PPP4R4: variants seen among roughly 807,000 people sequenced by gnomAD.
The protein encoded by PPP4R4 is protein phosphatase 4 regulatory subunit 4, also known as serine/threonine-protein phosphatase 4 regulatory subunit 4.
Under a neutral mutation model 121.8 loss-of-function variants are expected in PPP4R4, and 70 were observed. That is an observed-to-expected ratio of 0.57 (90% CI 0.47 to 0.70). The LOEUF is 0.70. PPP4R4 is among the 30% of genes least tolerant of loss of function. PPP4R4 has a pLI of 0.00. For synonymous variants in PPP4R4, 348 were observed against 355.7 expected, an observed-to-expected ratio of 0.98 and a Z score of 0.24; for missense variants, 875 against 1,033.6, an observed-to-expected ratio of 0.85 and a Z score of 2.10.
At position 94,237,595 on chromosome 14, in the gene PPP4R4, T is replaced by C; in HGVS notation, c.762T>C (p.Pro254=). The change falls in exon 8 of 25, where the codon CCT becomes CCC. Residue 254 remains proline (P), a synonymous_variant. Transcript: ENST00000304338. The part of the protein sequence containing the change: ...GTELTKSVVL[P]ELIELSRDEG... ...AACTTACAAAAAGTGTGGTGCTCCCTGAATTAATAGAACTTTCTAGGGATG... is the reference window on the plus strand; with the variant it reads ...AACTTACAAAAAGTGTGGTGCTCCCCGAATTAATAGAACTTTCTAGGGATG... 1.2e-6 allele frequency: 2 copies of C among 1,613,088 alleles called. No homozygotes were observed. Among genetic ancestry groups the C allele is most frequent in the South Asian group, 1.1e-5 (1 of 91,062 alleles).
intron 19 of PPP4R4, among the ~76,000 whole-genome samples, chr14:94,262,424 CT>C (rs1393493253): frequency 6.6e-6 from 1 of 151,738 alleles, no homozygotes; most frequent in Non-Finnish European, 1.5e-5. Context: ...TTCCTCTCTC[CT>C]TTTTTTGGAA....
intron 2 of PPP4R4, among the ~76,000 whole-genome samples, chr14:94,185,874 C>A (rs1889247521): frequency 1.3e-5 from 2 of 152,088 alleles, no homozygotes; most frequent in African/African-American, 4.8e-5. Flanking sequence ...CAAATGGGTA[C>A]ACCTGTGTAA....
At chr14:94,190,863 G>A (rs1014600922) in intron 2 of PPP4R4, among the ~76,000 whole-genome samples, 1 of 119,768 alleles carries the variant, frequency 8.3e-6, no homozygotes, top group Non-Finnish European at 1.7e-5. Context: ...GTAGAGCAGT[G>A]ATTTCCAACT....
intron 3 of PPP4R4, among the ~76,000 whole-genome samples, chr14:94,215,177 C>A (rs1890956311): frequency 6.6e-6 from 1 of 151,988 alleles, no homozygotes; most frequent in Non-Finnish European, 1.5e-5. Flanking sequence ...TAAAAAAATC[C>A]TCCTAACAGC....
chr14:94,277,186 A>C (rs1197781270), intron 24 of PPP4R4, among the ~76,000 whole-genome samples: 1 of 152,166 alleles, frequency 6.6e-6, no homozygotes, highest in African/African-American at 2.4e-5. Flanking sequence ...CTGTAATCCC[A>C]GCTACTCAAG....
intron 3 of PPP4R4, among the ~76,000 whole-genome samples, chr14:94,221,238 A>G (rs1891373423): frequency 6.6e-6 from 1 of 152,158 alleles, no homozygotes; most frequent in South Asian, 2.1e-4. Flanking sequence ...ATAGACCTAA[A>G]TGTTAAAGAC....
chr14:94,229,861 C>G (rs1891917656), intron 3 of PPP4R4, among the ~76,000 whole-genome samples: 3 of 152,164 alleles, frequency 2.0e-5, no homozygotes, highest in African/African-American at 4.8e-5. Flanking sequence ...CTCTATCTCT[C>G]TCTCTCATAG....
At chr14:94,189,074 G>GAGA (rs1184101050) in intron 2 of PPP4R4, among the ~76,000 whole-genome samples, 1 of 152,046 alleles carries the variant, frequency 6.6e-6, no homozygotes, top group Non-Finnish European at 1.5e-5. Context: ...TTTTCTCTTA[G>GAGA]AGAAGAAAAT....
At chr14:94,259,450 TCCATTTCA>T (rs1367766515) in intron 19 of PPP4R4, 81 bp downstream of exon 19, 1 of 1,387,586 alleles carries the variant, frequency 7.2e-7, no homozygotes, top group African/African-American at 1.5e-5. Flanking sequence ...ATCATTTCTT[TCCATTTCA>T]CCATTTCACA....
Position 94,241,827 on chromosome 14 carries a change from T to G in PPP4R4, c.1016T>G (p.Phe339Cys). ...GATCAGCACTTGAGATTTTTGGAAT[T>G]TTATAAGAAACTTTGTACATTGGGT... Reference protein sequence around the residue: ...TPDQHLRFLEFYKKLCTLGLQ... With the variant: ...TPDQHLRFLECYKKLCTLGLQ... The change falls in exon 10 of 25, where the codon TTT becomes TGT. Residue 339 changes from phenylalanine to cysteine, a missense_variant. Physicochemically the swap from Phe to Cys is radical, Grantham distance 205 (BLOSUM62 -2). Coordinates refer to ENST00000304338, the MANE Select transcript of PPP4R4 (RefSeq NM_058237.2). The G allele has an allele frequency of 6.3e-7, 1 of 1,597,564 alleles. No homozygotes were observed. Among genetic ancestry groups the G allele is most frequent in the Non-Finnish European group, 8.5e-7 (1 of 1,175,584 alleles).
chr14:94,227,613 G>A, intron 3 of PPP4R4: 1 of 1,222,018 alleles, frequency 8.2e-7, no homozygotes, highest in Non-Finnish European at 1.0e-6. Flanking sequence ...TCAAGACTAA[G>A]TAATACAGTA....
intron 19 of PPP4R4, among the ~76,000 whole-genome samples, chr14:94,264,055 A>G (rs1460542168): frequency 6.6e-6 from 1 of 152,134 alleles, no homozygotes; most frequent in Non-Finnish European, 1.5e-5. Context: ...TTGTTTCATG[A>G]TATTGGAGCT....
chr14:94,174,973 G>C lies in PPP4R4; in HGVS notation c.117+391G>C, dbSNP rs747401325. On this transcript the variant is annotated intron_variant, in intron 1 of 24. Transcript: ENST00000304338. ...CTCCGTCGCGGACCCCCTTCCTTCC[G>C]CCCCCCCCCCCCAAAGGAGCTGCCC... Among the ~76,000 whole-genome samples the C allele has an allele frequency of 4.5e-3, 353 of 78,216 alleles. 1 individual carries two copies. Among genetic ancestry groups the C allele is most frequent in the African/African-American group, 6.4e-3 (116 of 18,154 alleles). 51.3% of individuals were successfully genotyped at this position (78,216 alleles called of 152,430 possible).
intron 2 of PPP4R4, among the ~76,000 whole-genome samples, chr14:94,188,903 C>T (rs1350814232): frequency 6.6e-6 from 1 of 152,108 alleles, no homozygotes; most frequent in East Asian, 1.9e-4. Flanking sequence ...AATCCCATCA[C>T]ATTGTATATC....
At chr14:94,215,294 T>C (rs1890962716) in intron 3 of PPP4R4, among the ~76,000 whole-genome samples, 1 of 152,230 alleles carries the variant, frequency 6.6e-6, no homozygotes, top group Non-Finnish European at 1.5e-5. Flanking sequence ...CATGAAAGTA[T>C]GTAATTTATT....
intron 24 of PPP4R4, among the ~76,000 whole-genome samples, chr14:94,276,061 TG>T (rs11302142): frequency 0.24 from 35,843 of 152,024 alleles, 5,064 homozygotes; most frequent in East Asian, 0.59. Context: ...TATCTTGATT[TG>T]CTGAAGTCTT....
chr14:94,234,425 C>A, intron 6 of PPP4R4, 137 bp from the exon 7 acceptor site: 1 of 604,666 alleles, frequency 1.7e-6, no homozygotes, highest in African/African-American at 1.9e-5. Flanking sequence ...TGTAAAATAC[C>A]TTGTAAACTA....
intron 23 of PPP4R4, among the ~76,000 whole-genome samples, chr14:94,269,272 C>T (rs1410575450): frequency 6.6e-6 from 1 of 152,106 alleles, no homozygotes; most frequent in African/African-American, 2.4e-5. Context: ...AATAACATTC[C>T]ATTCACAGTA....
chr14:94,253,618 T>A (rs1425773817), intron 16 of PPP4R4, among the ~76,000 whole-genome samples: 1 of 152,204 alleles, frequency 6.6e-6, no homozygotes, highest in Non-Finnish European at 1.5e-5. Flanking sequence ...AAAAATAATT[T>A]GAAAGGAAAC....
Sources: gnomAD v4.1 joint callset for allele counts (sites outside exome capture counted in the v4.1 genomes callset) on GRCh38, gnomAD v4.1.1 for gene constraint, MANE v1.5 for transcripts, NCBI Gene and HGNC (gene_info 2026-07-23, HGNC 2026-07-21) for gene names.